NDST4: variants seen among roughly 807,000 people sequenced by gnomAD.
The protein encoded by NDST4 is N-deacetylase and N-sulfotransferase 4, also known as N-heparan sulfate sulfotransferase 4.
A neutral mutation model predicts 100.8 loss-of-function variants in NDST4; 63 were observed. That is an observed-to-expected ratio of 0.62 (90% CI 0.51 to 0.77). The LOEUF (loss-of-function observed/expected upper bound fraction) is 0.77. Ranked by LOEUF, NDST4 falls within the 30% of genes least tolerant of loss-of-function variation. The pLI, the probability that NDST4 is intolerant of heterozygous loss-of-function variation, is 0.00. For missense variants in NDST4, 943 were observed against 1,018.4 expected (o/e 0.93, Z 1.01); for synonymous variants, 377 against 361.8 (o/e 1.04, Z -0.48).
chr4:114,881,833 T>C (rs1724376317), intron 6 of NDST4, among the ~76,000 whole-genome samples: 1 of 152,186 alleles, frequency 6.6e-6, no homozygotes, highest in Admixed American at 6.6e-5. Context: ...TTTTATAATA[T>C]TTTAAACAAC....
intron 2 of NDST4, among the ~76,000 whole-genome samples, chr4:115,022,443 G>GTGTTCCATATATA (rs1727873154): frequency 1.7e-5 from 1 of 58,178 alleles, no homozygotes. Context: ...CCATATATAT[G>GTGTTCCATATATA]TGTTCCATAT....
intron 7 of NDST4, among the ~76,000 whole-genome samples, chr4:114,866,069 CTT>C (rs1266352179): frequency 6.6e-6 from 1 of 152,190 alleles, no homozygotes; most frequent in Non-Finnish European, 1.5e-5. Flanking sequence ...ACTATACTGA[CTT>C]AATTTCACTG....
chr4:114,995,702 T>C (rs954249798), intron 2 of NDST4, among the ~76,000 whole-genome samples: 4 of 152,118 alleles, frequency 2.6e-5, no homozygotes, highest in African/African-American at 7.2e-5. Context: ...TATTTGTTTT[T>C]ATTTCCTATA....
rs372630453 is a variant in NDST4 at position 114,872,945 on chromosome 4, CA to C, written c.1537-1996del. Reference sequence around the variant, plus strand: ...TTCCTTTTGCCCTTTTCAACAACAACAAAAAAGCAAGACAAAGAACATATTT... The same window carrying C: ...TTCCTTTTGCCCTTTTCAACAACAACAAAAAGCAAGACAAAGAACATATTT... On this transcript the variant is annotated intron_variant, in intron 6 of 13. Coordinates refer to ENST00000264363, the MANE Select transcript of NDST4 (RefSeq NM_022569.3). 1.2e-3 allele frequency among the ~76,000 whole-genome samples: 175 copies of C among 151,312 alleles called. 2 individuals are homozygous for C. The highest frequency in any genetic ancestry group is 4.0e-3 in the African/African-American group (164 of 41,352).
chr4:114,910,829 T>C (rs1333072303), intron 6 of NDST4, among the ~76,000 whole-genome samples: 3 of 152,246 alleles, frequency 2.0e-5, no homozygotes, highest in Non-Finnish European at 2.9e-5. Context: ...CTCTTCAGGC[T>C]AAAATATTTG....
chr4:114,836,003 G>A (rs765236454), intron 11 of NDST4, among the ~76,000 whole-genome samples: 6 of 151,984 alleles, frequency 3.9e-5, no homozygotes, highest in African/African-American at 7.3e-5. Context: ...GCCTATGTGC[G>A]TCTTCGCACG....
chr4:114,908,644 T>G (rs547606455), intron 6 of NDST4, among the ~76,000 whole-genome samples: 2 of 152,298 alleles, frequency 1.3e-5, no homozygotes, highest in African/African-American at 4.8e-5. Flanking sequence ...TTAAACAATT[T>G]TTTGGTTATA....
chr4:115,023,031 A>G (rs556337432), intron 2 of NDST4, among the ~76,000 whole-genome samples: 5 of 152,286 alleles, frequency 3.3e-5, no homozygotes, highest in African/African-American at 1.2e-4. Flanking sequence ...AGCGCGAGCT[A>G]AGCTATGAGG....
chr4:114,998,357 G>A (rs1254904249), intron 2 of NDST4, among the ~76,000 whole-genome samples: 5 of 151,916 alleles, frequency 3.3e-5, no homozygotes, highest in African/African-American at 1.2e-4. Flanking sequence ...TGTTTTAGTG[G>A]AAAGAATCAC....
At chr4:115,062,826 T>C (rs1375292035) in intron 2 of NDST4, among the ~76,000 whole-genome samples, 1 of 151,910 alleles carries the variant, frequency 6.6e-6, no homozygotes, top group African/African-American at 2.4e-5. Context: ...AAAATTAGTT[T>C]AGTAAACTAG....
chr4:115,047,775 A>T (rs1728496110), intron 2 of NDST4, among the ~76,000 whole-genome samples: 1 of 152,118 alleles, frequency 6.6e-6, no homozygotes, highest in African/African-American at 2.4e-5. Context: ...CATTGTTTTG[A>T]TGGCTATATA....
chr4:115,029,101 C>T (rs531511946), intron 2 of NDST4, among the ~76,000 whole-genome samples: 1 of 152,034 alleles, frequency 6.6e-6, no homozygotes, highest in Non-Finnish European at 1.5e-5. Context: ...GCAGCAATCC[C>T]AGGGGGAAAT....
intron 2 of NDST4, among the ~76,000 whole-genome samples, chr4:114,989,665 G>T (rs957286596): frequency 2.6e-5 from 4 of 152,170 alleles, no homozygotes; most frequent in Admixed American, 6.5e-5. Context: ...GGAGAAGAAT[G>T]AAATAGGAAA....
chr4:114,928,737 T>C (rs1725433807), intron 6 of NDST4, among the ~76,000 whole-genome samples: 1 of 152,122 alleles, frequency 6.6e-6, no homozygotes, highest in Non-Finnish European at 1.5e-5. Context: ...AATCAAGCTG[T>C]TGAAGGCCCG....
intron 2 of NDST4, among the ~76,000 whole-genome samples, chr4:115,030,790 G>A (rs1231025680): frequency 6.6e-6 from 1 of 152,058 alleles, no homozygotes; most frequent in Non-Finnish European, 1.5e-5. Context: ...GGAAGAACAC[G>A]TTACTGGGGA....
intron 6 of NDST4, among the ~76,000 whole-genome samples, chr4:114,897,894 A>AT (rs1724750757): frequency 6.6e-6 from 1 of 152,168 alleles, no homozygotes; most frequent in South Asian, 2.1e-4. Flanking sequence ...TCTTCAGCCA[A>AT]TTTTTAAAAT....
intron 4 of NDST4, among the ~76,000 whole-genome samples, chr4:114,945,517 A>G (rs1400035999): frequency 6.6e-6 from 1 of 152,214 alleles, no homozygotes; most frequent in Non-Finnish European, 1.5e-5. Flanking sequence ...TTTAAAGGAA[A>G]TAAACATATT....
intron 6 of NDST4, among the ~76,000 whole-genome samples, chr4:114,901,836 T>A (rs924375211): frequency 3.3e-5 from 5 of 151,914 alleles, no homozygotes; most frequent in Admixed American, 3.3e-4. Flanking sequence ...CCTTTTTTCT[T>A]CTTCTTCATT....
At chr4:114,949,875 C>T (rs998359) in intron 4 of NDST4, among the ~76,000 whole-genome samples, 95,076 of 151,812 alleles carry the variant, frequency 0.63, 30,176 homozygotes, top group Non-Finnish European at 0.69. Flanking sequence ...TTAGAAGTGA[C>T]GTCCCAGGAT....
Sources: allele counts gnomAD v4.1 joint callset (sites outside exome capture counted in the v4.1 genomes callset), GRCh38; gene constraint gnomAD v4.1.1; transcripts MANE v1.5; gene names NCBI Gene and HGNC (gene_info 2026-07-23, HGNC 2026-07-21).